RIMKLB: variants seen among roughly 807,000 people sequenced by gnomAD.
RIMKLB encodes ribosomal modification protein rimK like family member B, also known as beta-citrylglutamate synthase B.
Under a neutral mutation model 32.0 loss-of-function variants are expected in RIMKLB, and 7 were observed. That is an observed-to-expected ratio of 0.22 (90% confidence interval 0.12 to 0.41). The LOEUF is 0.41. RIMKLB is among the 10% of genes least tolerant of loss of function. The pLI, the probability that RIMKLB is intolerant of heterozygous loss-of-function variation, is 1.00. For synonymous variants in RIMKLB, 172 were observed against 185.1 expected (o/e 0.93, Z 0.57); for missense variants, 289 against 498.7 (o/e 0.58, Z 4.00).
At chr12:8,745,018 C>T (rs186747650) in intron 2 of RIMKLB, among the ~76,000 whole-genome samples, 73 of 151,986 alleles carry the variant, frequency 4.8e-4, no homozygotes, top group Admixed American at 3.2e-3. Context: ...CCAACGGGCC[C>T]GGTGTGTGAT....
At chr12:8,717,856 T>G (rs1178210241) in intron 2 of RIMKLB, among the ~76,000 whole-genome samples, 2 of 152,214 alleles carry the variant, frequency 1.3e-5, no homozygotes, top group African/African-American at 4.8e-5. Flanking sequence ...CCAAGTTTTT[T>G]TTGTTGTTGT....
At chr12:8,702,886 A>T (rs1943524236) in intron 1 of RIMKLB, among the ~76,000 whole-genome samples, 1 of 152,264 alleles carries the variant, frequency 6.6e-6, no homozygotes, top group Admixed American at 6.5e-5. Context: ...CATGTTAAAT[A>T]TGAAACTTGG....
At chr12:8,734,300 A>G (rs1190074719) in intron 2 of RIMKLB, among the ~76,000 whole-genome samples, 1 of 152,224 alleles carries the variant, frequency 6.6e-6, no homozygotes, top group African/African-American at 2.4e-5. Flanking sequence ...GAGCAGTTCA[A>G]AGCTGTTCAT....
chr12:8,722,589 A>G (rs1456230894), intron 2 of RIMKLB, among the ~76,000 whole-genome samples: 1 of 152,216 alleles, frequency 6.6e-6, no homozygotes, highest in Non-Finnish European at 1.5e-5. Context: ...TAACAAAAGA[A>G]TTAGCCTCTC....
the RIMKLB span, among the ~76,000 whole-genome samples, chr12:8,669,865 A>G: frequency 6.6e-6 from 1 of 151,670 alleles, no homozygotes; most frequent in African/African-American, 2.4e-5. Context: ...GTCTCTACTA[A>G]AAATACAAAA....
At position 8,773,303 on chromosome 12, in the gene RIMKLB, T is replaced by C. The variant is rs953992222; in HGVS notation, c.698-18T>C. On this transcript the variant is annotated intron_variant, in intron 5 of 5. Coordinates refer to ENST00000535829, the MANE Select transcript of RIMKLB (RefSeq NM_001297776.2). The stretch of plus-strand genomic sequence containing the variant: ...AGTTTATGATTTTGTTAATTTCCTG[T>C]CTTGTTTCTTTTGCCAGGTGGTGTG... The C allele has an allele frequency of 6.5e-7, 1 of 1,547,130 alleles. No individual in the cohort carries two copies. Among genetic ancestry groups the C allele is most frequent in the Non-Finnish European group, 8.9e-7 (1 of 1,122,230 alleles).
upstream of RIMKLB, among the ~76,000 whole-genome samples, chr12:8,680,241 C>T (rs764663623): frequency 2.0e-4 from 31 of 152,214 alleles, no homozygotes; most frequent in Non-Finnish European, 3.5e-4. Flanking sequence ...CTGCAAGTTC[C>T]GCCTCCCAGG....
upstream of RIMKLB, among the ~76,000 whole-genome samples, chr12:8,680,192 G>A (rs748899066): frequency 6.6e-6 from 1 of 152,168 alleles, no homozygotes; most frequent in Non-Finnish European, 1.5e-5. Flanking sequence ...GTCTCACTCT[G>A]ATGCCCACGC....
At chr12:8,755,796 C>T (rs2969093) in intron 5 of RIMKLB, among the ~76,000 whole-genome samples, 1 of 151,998 alleles carries the variant, frequency 6.6e-6, no homozygotes, top group African/African-American at 2.4e-5. Flanking sequence ...ATCATCCTGA[C>T]CTCAAGGTTC....
rs768771331 is a variant in RIMKLB at position 8,754,025 on chromosome 12, G to C, written c.629G>C (p.Gly210Ala). 1 of 1,614,080 alleles carries C rather than the reference G, an allele frequency of 6.2e-7. No individual in the cohort carries two copies. The highest frequency in any genetic ancestry group is 1.1e-5 in the South Asian group (1 of 91,076). The change falls in exon 5 of 6, where the codon GGA becomes GCA. Residue 210 changes from glycine (G) to alanine (A), a missense_variant. Transcript: ENST00000535829. ...CGGGATGTACGTGTCATTGTCGTGG[G>C]AGGCCGTGTGGTTGGCACCATGTTA... ...HGRDVRVIVVGGRVVGTMLRC... is the reference protein window; with the variant it reads ...HGRDVRVIVVAGRVVGTMLRC...
At chr12:8,718,661 A>ATGTGTG (rs1287877829) in intron 2 of RIMKLB, among the ~76,000 whole-genome samples, 27 of 118,494 alleles carry the variant, frequency 2.3e-4, no homozygotes, top group South Asian at 7.6e-4. Context: ...CTCTATATAT[A>ATGTGTG]TATATATATG....
chr12:8,760,340 T>C (rs1051980489), intron 5 of RIMKLB, among the ~76,000 whole-genome samples: 4 of 152,226 alleles, frequency 2.6e-5, no homozygotes, highest in Non-Finnish European at 5.9e-5. Context: ...ATCCAGTCTA[T>C]CATTGATGGA....
chr12:8,753,373 C>T lies in RIMKLB; in HGVS notation c.494-517C>T, dbSNP rs57455166. On this transcript the variant is annotated intron_variant, in intron 4 of 5. Transcript: ENST00000535829. ...TTCAGTATCCCTCCTTTCCCCTCCC[C>T]ACCATGGGAAGAATTTAGAACCATA... 4.4e-3 allele frequency among the ~76,000 whole-genome samples: 670 copies of T among 152,298 alleles called. 6 individuals carry two copies. Among genetic ancestry groups the T allele is most frequent in the African/African-American group, 0.016 (645 of 41,562 alleles).
chr12:8,678,326 TTTTTC>T (rs1407060007), upstream of RIMKLB, among the ~76,000 whole-genome samples: 3 of 151,566 alleles, frequency 2.0e-5, no homozygotes, highest in Non-Finnish European at 4.4e-5. Context: ...GGTCTTTCTT[TTTTTC>T]TTTTCTTTTT....
intron 2 of RIMKLB, among the ~76,000 whole-genome samples, chr12:8,721,279 A>C (rs1156542498): frequency 6.6e-6 from 1 of 152,204 alleles, no homozygotes; most frequent in Non-Finnish European, 1.5e-5. Context: ...ATACGAAAAC[A>C]ATGAAATTTG....
intron 1 of RIMKLB, among the ~76,000 whole-genome samples, chr12:8,707,381 T>C (rs1403711971): frequency 1.3e-5 from 2 of 152,202 alleles, no homozygotes; most frequent in East Asian, 3.8e-4. Flanking sequence ...GTGTATGTTA[T>C]AAAGGATACA....
chr12:8,775,924 G>A lies in RIMKLB; in HGVS notation c.*2140G>A. 1 of 984,952 alleles carries A rather than the reference G, an allele frequency of 1.0e-6. No homozygotes were observed. The highest frequency in any genetic ancestry group is 1.2e-6 in the Non-Finnish European group (1 of 829,506). The allele number at this position is 984,952 out of a possible 1,614,324, so 61.0% of individuals were successfully genotyped here. ...AATACCTCTGACTCATTAACAGAAA[G>A]AAATACTTGGTACTTCTTTCGCTGA... On this transcript the variant is annotated 3_prime_UTR_variant, in exon 6 of 6. Transcript: ENST00000535829.
At chr12:8,731,873 G>A (rs966537253) in intron 2 of RIMKLB, among the ~76,000 whole-genome samples, 4 of 151,824 alleles carry the variant, frequency 2.6e-5, no homozygotes, top group African/African-American at 9.7e-5. Flanking sequence ...ATTTCAGATT[G>A]CTTTATCATG....
chr12:8,761,291 A>AAT (rs869260138), intron 5 of RIMKLB, among the ~76,000 whole-genome samples: 1 of 150,760 alleles, frequency 6.6e-6, no homozygotes, highest in African/African-American at 2.4e-5. Context: ...AAAAAAAAAA[A>AAT]GAATTTGTTT....
Sources: gnomAD v4.1 joint callset for allele counts (sites outside exome capture counted in the v4.1 genomes callset) on GRCh38, gnomAD v4.1.1 for gene constraint, MANE v1.5 for transcripts, NCBI Gene and HGNC (gene_info 2026-07-23, HGNC 2026-07-21) for gene names.